The following USP8 variants were observed in gnomAD, a reference collection of about 807,000 sequenced individuals.
USP8 encodes ubiquitin carboxyl-terminal hydrolase 8.
Under a neutral mutation model 130.0 loss-of-function variants are expected in USP8, and 27 were observed. That is an observed-to-expected ratio of 0.21 (90% CI 0.15 to 0.29). The LOEUF (loss-of-function observed/expected upper bound fraction) is 0.29, where lower values mean the gene tolerates loss of function less well. Ranked by LOEUF, USP8 falls within the 10% of genes least tolerant of loss-of-function variation. The pLI, the probability that USP8 is intolerant of heterozygous loss-of-function variation, is 1.00. For synonymous variants in USP8, 392 were observed against 444.1 expected, an observed-to-expected ratio of 0.88 and a Z score of 1.48; for missense variants, 1,029 against 1,312.2, an observed-to-expected ratio of 0.78 and a Z score of 3.33.
intron 19 of USP8, 47 bp from the exon 20 acceptor site, chr15:50,498,856 A>C: frequency 6.4e-7 from 1 of 1,558,666 alleles, no homozygotes; most frequent in Non-Finnish European, 8.7e-7. Context: ...TATTTTAAAT[A>C]ACAATTTTAA....
chr15:50,453,262 A>G (rs1033641306), intron 4 of USP8, among the ~76,000 whole-genome samples: 3 of 152,362 alleles, frequency 2.0e-5, no homozygotes, highest in African/African-American at 7.2e-5. Flanking sequence ...CTCCTCTCAC[A>G]TCTATTGATG....
chr15:50,463,641 A>G (rs2051086242), intron 6 of USP8: 2 of 152,196 alleles, frequency 1.3e-5, no homozygotes, highest in African/African-American at 2.4e-5. Flanking sequence ...TCCTGCTTAA[A>G]TGTTGTCCTT....
Position 50,499,951 on chromosome 15 carries a change from G to C in USP8, c.*863G>C, listed in dbSNP as rs2052550913. Reference sequence around the variant, plus strand: ...CTAAATATTAAAGTAAAAATGCCGGGAGTCAGGCATGATTGCAAAGTGAAC... The same window carrying C: ...CTAAATATTAAAGTAAAAATGCCGGCAGTCAGGCATGATTGCAAAGTGAAC... On this transcript the variant is annotated 3_prime_UTR_variant, in exon 20 of 20. Coordinates refer to ENST00000307179, the MANE Select transcript of USP8 (RefSeq NM_005154.5). The C allele has an allele frequency of 6.6e-6, 1 of 152,096 alleles. No homozygotes were observed. The highest frequency in any genetic ancestry group is 1.5e-5 in the Non-Finnish European group (1 of 68,000). The allele number at this position is 152,096 out of a possible 1,614,324, so 9.4% of individuals were successfully genotyped here.
intron 9 of USP8, 82 bp from the exon 10 acceptor site, chr15:50,477,194 C>G (rs1293089508): frequency 2.3e-6 from 3 of 1,330,866 alleles, no homozygotes; most frequent in African/African-American, 1.5e-5. Flanking sequence ...CATTTAATTA[C>G]TGCATTAACA....
intron 1 of USP8, among the ~76,000 whole-genome samples, chr15:50,428,994 G>A (rs1434854960): frequency 3.9e-5 from 6 of 152,226 alleles, no homozygotes; most frequent in African/African-American, 7.2e-5. Context: ...AGCATCTACA[G>A]TGTGGATACA....
chr15:50,476,725 A>C, intron 8 of USP8, 124 bp from the exon 9 acceptor site: 1 of 1,094,056 alleles, frequency 9.1e-7, no homozygotes. Flanking sequence ...TTCAGTTCTC[A>C]TTTTGTCATT....
At chr15:50,472,827 T>C (rs928202627) in intron 8 of USP8, among the ~76,000 whole-genome samples, 3 of 150,852 alleles carry the variant, frequency 2.0e-5, no homozygotes, top group Admixed American at 1.3e-4. Flanking sequence ...GGAGAATCGA[T>C]TGAACCCGGG....
intron 3 of USP8, among the ~76,000 whole-genome samples, chr15:50,443,254 TG>T (rs1376342468): frequency 6.8e-6 from 1 of 147,572 alleles, no homozygotes; most frequent in African/African-American, 2.4e-5. Flanking sequence ...TTGGCCCAGC[TG>T]GTATCGAACT....
At chr15:50,478,759 A>C (rs2051658987) in intron 10 of USP8, among the ~76,000 whole-genome samples, 1 of 152,210 alleles carries the variant, frequency 6.6e-6, no homozygotes, top group African/African-American at 2.4e-5. Flanking sequence ...CTTCTATATA[A>C]AAAACAGCAT....
chr15:50,478,008 G>C (rs941677876), intron 10 of USP8, among the ~76,000 whole-genome samples: 3 of 152,124 alleles, frequency 2.0e-5, no homozygotes, highest in Non-Finnish European at 2.9e-5. Flanking sequence ...TATTAGAGTA[G>C]ATAATTAAGG....
At chr15:50,473,325 T>C (rs1238219463) in intron 8 of USP8, among the ~76,000 whole-genome samples, 2 of 152,190 alleles carry the variant, frequency 1.3e-5, no homozygotes, top group Non-Finnish European at 2.9e-5. Flanking sequence ...TCTCATGTAA[T>C]TTAAATCTTC....
In USP8 at chr15:50,503,245, G is replaced by C. The variant is rs1269126562; in HGVS notation, c.*4157G>C. 2.0e-5 allele frequency: 3 copies of C among 152,392 alleles called. No homozygotes were observed. Among genetic ancestry groups the C allele is most frequent in the African/African-American group, 7.2e-5 (3 of 41,468 alleles). 9.4% of individuals were successfully genotyped at this position (152,392 alleles called of 1,614,324 possible). ...TGCCGGTAATCCCAGCTACTTGGGA[G>C]GCTGAGGCAGAATCATTTGAACCTG... is the stretch of plus-strand genomic sequence containing the variant. On this transcript the variant is annotated 3_prime_UTR_variant, in exon 20 of 20. Coordinates refer to ENST00000307179, the MANE Select transcript of USP8 (RefSeq NM_005154.5).
At chr15:50,459,552 C>A (rs926337282) in intron 5 of USP8, among the ~76,000 whole-genome samples, 2 of 152,088 alleles carry the variant, frequency 1.3e-5, no homozygotes, top group African/African-American at 2.4e-5. Flanking sequence ...CCACTCCACT[C>A]CAGCCTGGGC....
At chr15:50,489,942 T>A in intron 13 of USP8, 61 bp downstream of exon 13, 1 of 1,345,980 alleles carries the variant, frequency 7.4e-7, no homozygotes, top group East Asian at 2.4e-5. Flanking sequence ...TTTATTTGTT[T>A]ATTTTACATC....
At chr15:50,471,594 G>C (rs764682239) in intron 7 of USP8, 39 bp from the exon 8 acceptor site, 2 of 1,598,626 alleles carry the variant, frequency 1.3e-6, no homozygotes, top group Non-Finnish European at 1.7e-6. Flanking sequence ...AGGACCTCTT[G>C]TTGACTTTTG....
At chr15:50,476,765 A>G in intron 8 of USP8, 84 bp from the exon 9 acceptor site, 1 of 1,413,368 alleles carries the variant, frequency 7.1e-7, no homozygotes. Context: ...TCCTTAAGGG[A>G]ACAACTTTAA....
chr15:50,459,771 A>G (rs994249795), intron 5 of USP8, among the ~76,000 whole-genome samples: 2 of 152,104 alleles, frequency 1.3e-5, no homozygotes, highest in Admixed American at 6.6e-5. Flanking sequence ...TTCTGGTCCT[A>G]TGTCAAAACT....
intron 14 of USP8, among the ~76,000 whole-genome samples, chr15:50,491,433 A>G (rs529966528): frequency 6.6e-6 from 1 of 152,304 alleles, no homozygotes; most frequent in Admixed American, 6.5e-5. Flanking sequence ...AGTTCATTAT[A>G]ATAACTAGTG....
In USP8 at chr15:50,471,671, A is replaced by G; in HGVS notation, c.725A>G (p.Asp242Gly). 1 of 1,613,962 alleles carries G rather than the reference A, an allele frequency of 6.2e-7. No individual in the cohort carries two copies. The highest frequency in any genetic ancestry group is 8.5e-7 in the Non-Finnish European group (1 of 1,180,000). ...TGGATTGAAGCACACCTGCCAGATG[A>G]TTCTAAAGACACATGGAAGAAGAGG... ...ASWIEAHLPD[D>G]SKDTWKKRGN... The change falls in exon 8 of 20, where the codon GAT (aspartate) becomes GGT (glycine). Residue 242 changes from aspartate (D) to glycine (G), a missense_variant. Asp to Gly is a moderately conservative substitution (Grantham distance 94). Transcript: ENST00000307179.
Sources: gnomAD v4.1 joint callset for allele counts (sites outside exome capture counted in the v4.1 genomes callset) on GRCh38, gnomAD v4.1.1 for gene constraint, MANE v1.5 for transcripts, NCBI Gene and HGNC (gene_info 2026-07-23, HGNC 2026-07-21) for gene names.